MAP2: variants seen among roughly 807,000 people sequenced by gnomAD.
MAP2 encodes the protein microtubule associated protein 2.
A neutral mutation model predicts 137.6 loss-of-function variants in MAP2; 14 were observed. That is an observed-to-expected ratio of 0.10 (90% CI 0.07 to 0.16). The LOEUF (loss-of-function observed/expected upper bound fraction) is 0.16, where lower values mean the gene tolerates loss of function less well. Among genes scored for constraint, MAP2 ranks in the 10% least tolerant of loss-of-function variants. The pLI is 1.00. For synonymous variants in MAP2, 786 were observed against 782.3 expected, an observed-to-expected ratio of 1.00 and a Z score of -0.08; for missense variants, 2,088 against 2,191.5, an observed-to-expected ratio of 0.95 and a Z score of 0.94.
intron 2 of MAP2, among the ~76,000 whole-genome samples, chr2:209,542,230 C>G (rs1307217987): frequency 6.6e-6 from 1 of 152,146 alleles, no homozygotes; most frequent in Non-Finnish European, 1.5e-5. Context: ...TAAAAGAAAT[C>G]TTTTTTTCTG....
In MAP2 at chr2:209,653,265, A is replaced by T; in HGVS notation, c.95A>T (p.Lys32Met). 6.2e-7 allele frequency: 1 copy of T among 1,614,128 alleles called. No homozygotes were observed. The highest frequency in any genetic ancestry group is 8.5e-7 in the Non-Finnish European group (1 of 1,180,006). The change falls in exon 5 of 16, where the codon AAG becomes ATG. Residue 32 changes from lysine to methionine, a missense_variant. By Grantham distance (95) the Lys-to-Met change is moderately conservative (BLOSUM62 -1). Coordinates refer to ENST00000682079, the MANE Select transcript of MAP2 (RefSeq NM_001375505.1). ...GCACACTCACATCCACCTGAGATTA[A>T]GGATCAAGGCGGAGCAGGGGAAGGA... ...ASAHSHPPEI[K>M]DQGGAGEGLV...
In MAP2 at chr2:209,714,201, C is replaced by CAATA. The variant is rs899736929; in HGVS notation, c.5073+3966_5073+3969dup. Among the ~76,000 whole-genome samples, 23 of 151,954 alleles carry CAATA rather than the reference C, an allele frequency of 1.5e-4. 1 individual carries two copies. The highest frequency in any genetic ancestry group is 4.1e-4 in the South Asian group (2 of 4,832). ...GGGCAACAAGAATGAAACTCTGTCT[C>CAATA]AATAAATAAATAAATAAATAAAATT... On this transcript the variant is annotated intron_variant, in intron 13 of 15. Coordinates refer to ENST00000682079, the MANE Select transcript of MAP2 (RefSeq NM_001375505.1).
chr2:209,582,691 A>AATATTTTCTG, intron 3 of MAP2, among the ~76,000 whole-genome samples: 1 of 114,766 alleles, frequency 8.7e-6, no homozygotes, highest in South Asian at 2.5e-4. Flanking sequence ...AGATAGATAG[A>AATATTTTCTG]TAGATAGATA....
intron 5 of MAP2, among the ~76,000 whole-genome samples, chr2:209,673,199 A>G (rs1233301213): frequency 1.3e-5 from 2 of 151,732 alleles, no homozygotes; most frequent in Non-Finnish European, 2.9e-5. Flanking sequence ...TTTAGAAATT[A>G]TGAGATGAAT....
intron 14 of MAP2, 34 bp from the exon 15 acceptor site, chr2:209,729,816 A>T (rs4673486): frequency 7.1e-7 from 1 of 1,401,046 alleles, no homozygotes; most frequent in East Asian, 2.3e-5. Flanking sequence ...CGAATGCAAG[A>T]TATAGTTAAA....
chr2:209,726,204 C>T (rs187545411), intron 14 of MAP2, among the ~76,000 whole-genome samples: 223 of 152,130 alleles, frequency 1.5e-3, no homozygotes, highest in Non-Finnish European at 1.4e-3. Flanking sequence ...CTTTGCAAAG[C>T]TGAAGAAGTG....
chr2:209,457,491 T>C (rs1306213737), intron 1 of MAP2, among the ~76,000 whole-genome samples: 1 of 152,162 alleles, frequency 6.6e-6, no homozygotes, highest in Non-Finnish European at 1.5e-5. Flanking sequence ...CAGTTTAGAT[T>C]TTTTGTGTGA....
rs1292264508 is a variant in MAP2 at position 209,707,271 on chromosome 2, T to C, written c.4732+1544T>C. Reference sequence around the variant, plus strand: ...CAGCACCAATTCTATTTTGACTTTTTAAATTTACTGATGTTTACAGGCATT... The same window carrying C: ...CAGCACCAATTCTATTTTGACTTTTCAAATTTACTGATGTTTACAGGCATT... On this transcript the variant is annotated intron_variant, in intron 12 of 15. Transcript: ENST00000682079. Among the ~76,000 whole-genome samples the C allele has an allele frequency of 2.0e-5, 3 of 152,340 alleles. No homozygotes were observed. In the East Asian group the frequency reaches 5.8e-4, roughly 29 times the overall value.
intron 5 of MAP2, among the ~76,000 whole-genome samples, chr2:209,662,446 G>A (rs888579569): frequency 1.3e-5 from 2 of 152,104 alleles, no homozygotes; most frequent in African/African-American, 4.8e-5. Flanking sequence ...TGACAATTCA[G>A]ACCTATTTAT....
chr2:209,644,327 T>C (rs1205753248), intron 4 of MAP2, among the ~76,000 whole-genome samples: 3 of 152,230 alleles, frequency 2.0e-5, no homozygotes, highest in African/African-American at 7.2e-5. Flanking sequence ...GAAATGTTTT[T>C]ACTAGACCCT....
Position 209,733,492 on chromosome 2 carries a change from A to ACACACACACC in MAP2, c.*3096_*3097insACACACACCC, listed in dbSNP as rs1553701657. 1 of 150,472 alleles carries ACACACACACC rather than the reference A, an allele frequency of 6.6e-6. No individual in the cohort carries two copies. Among genetic ancestry groups the ACACACACACC allele is most frequent in the Admixed American group, 6.6e-5 (1 of 15,060 alleles). The allele number at this position is 150,472 out of a possible 1,614,324, so 9.3% of individuals were successfully genotyped here. On this transcript the variant is annotated 3_prime_UTR_variant, in exon 16 of 16. Coordinates refer to ENST00000682079, the MANE Select transcript of MAP2 (RefSeq NM_001375505.1). ...CACACACACACACACACACACACAC[A>ACACACACACC]CCTACAGTAATACAGCAAGCGTGGA...
chr2:209,447,620 A>G (rs1050981583), intron 1 of MAP2, among the ~76,000 whole-genome samples: 2 of 152,062 alleles, frequency 1.3e-5, no homozygotes, highest in African/African-American at 4.8e-5. Context: ...GAGGGTAGTC[A>G]TGATGAGGGT....
intron 7 of MAP2, among the ~76,000 whole-genome samples, chr2:209,686,380 T>A (rs2057012555): frequency 1.3e-5 from 2 of 152,204 alleles, no homozygotes; most frequent in African/African-American, 4.8e-5. Context: ...TTTCTAGTTG[T>A]CAGCACTTGG....
At chr2:209,646,568 A>G (rs2094435448) in intron 4 of MAP2, among the ~76,000 whole-genome samples, 1 of 152,244 alleles carries the variant, frequency 6.6e-6, no homozygotes, top group Non-Finnish European at 1.5e-5. Flanking sequence ...TGTTCCAGTC[A>G]ATACTGTAGA....
chr2:209,499,711 C>A (rs1159993881), intron 1 of MAP2, among the ~76,000 whole-genome samples: 1 of 152,030 alleles, frequency 6.6e-6, no homozygotes, highest in Non-Finnish European at 1.5e-5. Context: ...TGGTGGAGAG[C>A]AACACAGGAG....
At chr2:209,665,209 T>C (rs1329199247) in intron 5 of MAP2, among the ~76,000 whole-genome samples, 2 of 152,150 alleles carry the variant, frequency 1.3e-5, no homozygotes, top group African/African-American at 2.4e-5. Flanking sequence ...TGACTGAAGA[T>C]AGCAGTAAGA....
chr2:209,494,834 A>G lies in MAP2; in HGVS notation c.-221-12758A>G, dbSNP rs183113331. Among the ~76,000 whole-genome samples the G allele has an allele frequency of 4.6e-5, 7 of 152,352 alleles. No homozygotes were observed. In the East Asian group the frequency reaches 1.3e-3, roughly 29 times the overall value. ...GATATTTTCATTTCAAAAATTTATC[A>G]TTGGTTTTCAGGTTTCTTCAAAGCA... is the stretch of plus-strand genomic sequence containing the variant. On this transcript the variant is annotated intron_variant, in intron 1 of 15. Coordinates refer to ENST00000682079, the MANE Select transcript of MAP2 (RefSeq NM_001375505.1).
chr2:209,453,977 C>G (rs1284657545), intron 1 of MAP2, among the ~76,000 whole-genome samples: 1 of 151,820 alleles, frequency 6.6e-6, no homozygotes, highest in Non-Finnish European at 1.5e-5. Context: ...CAGTGAAACC[C>G]CATCTCTACT....
chr2:209,603,307 AAGATACCTT>A (rs1475295333), intron 3 of MAP2, among the ~76,000 whole-genome samples: 1 of 152,176 alleles, frequency 6.6e-6, no homozygotes, highest in East Asian at 1.9e-4. Context: ...TTTCCCACGA[AAGATACCTT>A]AGAAAACCAT....
Sources: allele counts gnomAD v4.1 joint callset (sites outside exome capture counted in the v4.1 genomes callset), GRCh38; gene constraint gnomAD v4.1.1; transcripts MANE v1.5; gene names NCBI Gene and HGNC (gene_info 2026-07-23, HGNC 2026-07-21).